Variants in KAZN observed in about 807,000 individuals in gnomAD.
The protein encoded by KAZN is kazrin, periplakin interacting protein.
A neutral mutation model predicts 87.4 loss-of-function variants in KAZN; 40 were observed. The ratio of observed to expected loss-of-function variants is 0.46; its 90% CI spans 0.36 to 0.60. The LOEUF is 0.60. KAZN is among the 20% of genes least tolerant of loss of function. The pLI is 0.00. For synonymous variants in KAZN, 466 were observed against 458.3 expected, an observed-to-expected ratio of 1.02 and a Z score of -0.22; for missense variants, 898 against 1,073.9, an observed-to-expected ratio of 0.84 and a Z score of 2.29.
intron 2 of KAZN, among the ~76,000 whole-genome samples, chr1:14,203,824 T>C (rs1226273705): frequency 6.6e-6 from 1 of 152,152 alleles, no homozygotes; most frequent in Non-Finnish European, 1.5e-5. Context: ...TTCAGTACAA[T>C]CCATTTATTT....
At chr1:14,380,429 A>G (rs1661270191) in intron 2 of KAZN, among the ~76,000 whole-genome samples, 1 of 152,238 alleles carries the variant, frequency 6.6e-6, no homozygotes, top group East Asian at 1.9e-4. Flanking sequence ...CAAGAATTCA[A>G]AAGTGCTGTG....
chr1:14,301,518 C>T (rs1415022789), intron 2 of KAZN, among the ~76,000 whole-genome samples: 1 of 152,232 alleles, frequency 6.6e-6, no homozygotes, highest in Non-Finnish European at 1.5e-5. Flanking sequence ...CTACAGGGAT[C>T]TGTCTGATCT....
At chr1:13,914,749 G>A (rs931525012) in intron 1 of KAZN, among the ~76,000 whole-genome samples, 5 of 152,240 alleles carry the variant, frequency 3.3e-5, no homozygotes, top group African/African-American at 1.2e-4. Flanking sequence ...AGGCCAAATT[G>A]GGAGGATCAC....
Position 15,081,929 on chromosome 1 carries a change from A to T in KAZN, c.1223-12251A>T, listed in dbSNP as rs1050740253. Among the ~76,000 whole-genome samples the T allele has an allele frequency of 1.9e-4, 29 of 152,082 alleles. No individual in the cohort carries two copies. The highest frequency in any genetic ancestry group is 7.2e-4 in the Admixed American group (11 of 15,278). ...GGTCCCTGGGAAGATACCATTTTTT[A>T]AAAAAATTTCCTCTGGGCTTGAAGA... On this transcript the variant is annotated intron_variant, in intron 8 of 14. Coordinates refer to ENST00000376030, the MANE Select transcript of KAZN (RefSeq NM_201628.3). The surrounding 1 kb of genome is among the most constrained non-coding windows in gnomAD (Gnocchi z 4.1).
intron 1 of KAZN, among the ~76,000 whole-genome samples, chr1:14,660,627 G>A (rs1042351627): frequency 1.5e-5 from 2 of 132,524 alleles, no homozygotes; most frequent in East Asian, 2.5e-4. Context: ...CAGGTCTGCC[G>A]ATGGCTGAGC....
At chr1:14,518,691 G>A (rs576139469) in intron 2 of KAZN, among the ~76,000 whole-genome samples, 9 of 152,252 alleles carry the variant, frequency 5.9e-5, no homozygotes, top group South Asian at 2.1e-4. Context: ...CCGGCTTCCC[G>A]TCCAGGCTCC....
intron 2 of KAZN, among the ~76,000 whole-genome samples, chr1:14,281,045 G>A (rs1259461680): frequency 6.6e-6 from 1 of 152,212 alleles, no homozygotes. Flanking sequence ...TTGGAACACT[G>A]AATGTTTGTT....
chr1:14,550,217 T>C (rs1026841735), intron 2 of KAZN, among the ~76,000 whole-genome samples: 1 of 152,062 alleles, frequency 6.6e-6, no homozygotes, highest in African/African-American at 2.4e-5. Context: ...TCTACACTCA[T>C]GAAATTTACA....
At chr1:14,177,313 A>G (rs1646100665) in intron 1 of KAZN, among the ~76,000 whole-genome samples, 1 of 90,350 alleles carries the variant, frequency 1.1e-5, no homozygotes, top group African/African-American at 6.1e-5. Context: ...AAAAGATGAG[A>G]AAGAACATGT....
At chr1:14,681,657 A>G (rs866194729) in intron 1 of KAZN, among the ~76,000 whole-genome samples, 3 of 8,532 alleles carry the variant, frequency 3.5e-4, no homozygotes, top group African/African-American at 6.4e-4. Flanking sequence ...ATATATATAT[A>G]TTTTTTTTTT....
chr1:14,480,084 G>A (rs1172074954), intron 2 of KAZN, among the ~76,000 whole-genome samples: 2 of 152,238 alleles, frequency 1.3e-5, no homozygotes, highest in South Asian at 2.1e-4. Context: ...CCAGTGCTGG[G>A]GAATCCCACA....
intron 2 of KAZN, among the ~76,000 whole-genome samples, chr1:14,537,462 G>T (rs1054334112): frequency 2.0e-5 from 3 of 152,148 alleles, no homozygotes; most frequent in African/African-American, 7.2e-5. Flanking sequence ...ACGGCTAGTG[G>T]GTATGATCTT....
chr1:14,259,836 G>T (rs562649233), intron 2 of KAZN, among the ~76,000 whole-genome samples: 2 of 152,310 alleles, frequency 1.3e-5, no homozygotes, highest in East Asian at 3.9e-4. Flanking sequence ...CAGTGACTTT[G>T]GGTGACCTTG....
At chr1:14,482,959 T>A (rs1194423094) in intron 2 of KAZN, among the ~76,000 whole-genome samples, 2 of 152,232 alleles carry the variant, frequency 1.3e-5, no homozygotes, top group Non-Finnish European at 2.9e-5. Flanking sequence ...CTTAGTTTTG[T>A]CATCTGCACA....
chr1:14,245,169 T>G (rs1649379558), intron 2 of KAZN, among the ~76,000 whole-genome samples: 1 of 152,054 alleles, frequency 6.6e-6, no homozygotes, highest in South Asian at 2.1e-4. Flanking sequence ...TTCACCGTGT[T>G]GGCCAGGCTG....
At chr1:13,950,811 G>T (rs1261766036) in intron 1 of KAZN, among the ~76,000 whole-genome samples, 1 of 152,168 alleles carries the variant, frequency 6.6e-6, no homozygotes, top group African/African-American at 2.4e-5. Context: ...GAGGTCAAGG[G>T]GGTTCAAGGA....
chr1:14,101,216 G>A (rs948862864), intron 1 of KAZN, among the ~76,000 whole-genome samples: 4 of 152,098 alleles, frequency 2.6e-5, no homozygotes, highest in Non-Finnish European at 4.4e-5. Context: ...TTGCAGTCAG[G>A]CCTGCCATAT....
chr1:14,896,041 C>CTT lies in KAZN; in HGVS notation c.227-64613_227-64612dup, dbSNP rs201188620. On this transcript the variant is annotated intron_variant, in intron 1 of 14. Transcript: ENST00000376030. Reference sequence around the variant, plus strand: ...CAGTAAGTACAAATGAAAAAGACGCCTTTTTTTTTTTTTTTTTTTTTTTTT... The same window carrying CTT: ...CAGTAAGTACAAATGAAAAAGACGCCTTTTTTTTTTTTTTTTTTTTTTTTTTT... Among the ~76,000 whole-genome samples, 127 of 140,670 alleles carry CTT rather than the reference C, an allele frequency of 9.0e-4. 2 individuals are homozygous for CTT. Among genetic ancestry groups the CTT allele is most frequent in the African/African-American group, 2.5e-3 (92 of 36,212 alleles). 92.3% of individuals were successfully genotyped at this position (140,670 alleles called of 152,430 possible).
intron 2 of KAZN, among the ~76,000 whole-genome samples, chr1:14,266,168 T>A (rs929127060): frequency 6.6e-6 from 1 of 152,242 alleles, no homozygotes; most frequent in African/African-American, 2.4e-5. Context: ...TATAACTCTA[T>A]GTGTCTTTAC....
Sources: allele counts gnomAD v4.1 joint callset (sites outside exome capture counted in the v4.1 genomes callset), GRCh38; gene constraint gnomAD v4.1.1; non-coding constraint Gnocchi (gnomAD v3.1); transcripts MANE v1.5; gene names NCBI Gene and HGNC (gene_info 2026-07-23, HGNC 2026-07-21).